PCNX2: variants seen among roughly 807,000 people sequenced by gnomAD.
PCNX2 encodes the protein pecanex-like protein 2.
PCNX2 carries 168 observed loss-of-function variants against 223.8 expected under a neutral mutation model. That is an observed-to-expected ratio of 0.75 (90% confidence interval 0.66 to 0.85). PCNX2 has a LOEUF of 0.85. Among genes scored for constraint, PCNX2 ranks in the 40% least tolerant of loss-of-function variants. PCNX2 has a pLI of 0.00. For missense variants in PCNX2, 2,507 were observed against 2,675.5 expected (o/e 0.94, Z 1.39); for synonymous variants, 1,006 against 1,052.6 (o/e 0.96, Z 0.86).
At chr1:233,149,577 T>C (rs1571972116) in intron 19 of PCNX2, among the ~76,000 whole-genome samples, 1 of 152,286 alleles carries the variant, frequency 6.6e-6, no homozygotes, top group East Asian at 1.9e-4. Flanking sequence ...TTATAGACAA[T>C]TGCTTTTTTC....
intron 32 of PCNX2, among the ~76,000 whole-genome samples, chr1:232,994,052 G>A (rs934007590): frequency 3.9e-5 from 6 of 152,252 alleles, no homozygotes; most frequent in African/African-American, 1.4e-4. Flanking sequence ...CAGTGCAGAA[G>A]GGAAATGTGG....
chr1:233,206,130 G>A (rs1010249097), intron 13 of PCNX2, among the ~76,000 whole-genome samples: 2 of 152,084 alleles, frequency 1.3e-5, no homozygotes, highest in African/African-American at 4.8e-5. Context: ...CAGATCCCTG[G>A]GACCTGTAAG....
In PCNX2 at chr1:233,224,858, CA is replaced by C; in HGVS notation, c.2504+2367del. Among the ~76,000 whole-genome samples the C allele has an allele frequency of 3.9e-5, 6 of 152,032 alleles. No individual in the cohort carries two copies. The South Asian group carries it at 1.2e-3, about 32-fold the overall frequency. ...GCAAACTAACACAGGAACAGAAAAC[CA>C]AACACCACATATTCTCACTCGTAAG... On this transcript the variant is annotated intron_variant, in intron 10 of 33. Transcript: ENST00000258229.
chr1:233,229,445 G>C (rs7552160), intron 9 of PCNX2, among the ~76,000 whole-genome samples: 2,951 of 152,260 alleles, frequency 0.019, 98 homozygotes, highest in African/African-American at 0.067. Context: ...GCATGATGAT[G>C]AACTTGTGGT....
chr1:233,134,584 G>GGGAAGGCAGGCAGGGAGGGAGGCA (rs1676698097), intron 21 of PCNX2, among the ~76,000 whole-genome samples: 2 of 151,878 alleles, frequency 1.3e-5, no homozygotes, highest in Non-Finnish European at 2.9e-5. Context: ...GCAGAGAGGC[G>GGGAAGGCAGGCAGGGAGGGAGGCA]GGAAGGCAGG....
chr1:233,197,950 G>A (rs1247174240), intron 15 of PCNX2, among the ~76,000 whole-genome samples: 1 of 152,016 alleles, frequency 6.6e-6, no homozygotes, highest in South Asian at 2.1e-4. Flanking sequence ...CTGTTAAACC[G>A]TAAGTCCAGA....
upstream of PCNX2, among the ~76,000 whole-genome samples, chr1:233,296,525 T>C (rs1662135591): frequency 6.6e-6 from 1 of 152,238 alleles, no homozygotes; most frequent in Admixed American, 6.5e-5. Flanking sequence ...AGCTATTATA[T>C]ATTTTATCAT....
chr1:233,074,197 G>A (rs1305224733), intron 23 of PCNX2, among the ~76,000 whole-genome samples: 3 of 152,066 alleles, frequency 2.0e-5, no homozygotes, highest in Admixed American at 6.6e-5. Context: ...AAAACTTATC[G>A]AGGATTGTTC....
At position 232,991,159 on chromosome 1, in the gene PCNX2, G is replaced by C. The variant is rs1390964449; in HGVS notation, c.5792-4619C>G. On this transcript the variant is annotated intron_variant, in intron 32 of 33. Coordinates refer to ENST00000258229, the MANE Select transcript of PCNX2 (RefSeq NM_014801.4). The surrounding 1 kb of genome is among the most constrained non-coding windows in gnomAD (Gnocchi z 4.3). ...GGAGGGGAGGAGAAAGTGGGGCAGG[G>C]GGACAGCAGTGCTGTATGGAAGGCT... Among the ~76,000 whole-genome samples, 4 of 152,188 alleles carry C rather than the reference G, an allele frequency of 2.6e-5. No homozygotes were observed.
At chr1:233,076,420 T>G (rs1187209141) in intron 23 of PCNX2, among the ~76,000 whole-genome samples, 1 of 152,168 alleles carries the variant, frequency 6.6e-6, no homozygotes, top group African/African-American at 2.4e-5. Flanking sequence ...TCAGCTGTGA[T>G]GAGTTAAGTC....
intron 28 of PCNX2, among the ~76,000 whole-genome samples, chr1:233,007,661 C>A (rs1670331523): frequency 6.6e-6 from 1 of 152,178 alleles, no homozygotes; most frequent in Non-Finnish European, 1.5e-5. Flanking sequence ...CCTCAGCCTC[C>A]CGAGTAGCTG....
Position 233,274,163 on chromosome 1 carries a change from T to C in PCNX2, c.154-11000A>G, listed in dbSNP as rs1435598576. Among the ~76,000 whole-genome samples, 3 of 152,210 alleles carry C rather than the reference T, an allele frequency of 2.0e-5. No homozygotes were observed. The East Asian group carries it at 5.8e-4, about 29-fold the overall frequency. ...TATTTACAAGTGGGTATTAACATGC[T>C]GCAGCAAAGGTCACTAAAATCATGG... On this transcript the variant is annotated intron_variant, in intron 1 of 33. Coordinates refer to ENST00000258229, the MANE Select transcript of PCNX2 (RefSeq NM_014801.4).
intron 21 of PCNX2, chr1:233,113,095 A>T: frequency 9.3e-7 from 1 of 1,069,730 alleles, no homozygotes; most frequent in Non-Finnish European, 1.3e-6. Flanking sequence ...GGCTGTGGTC[A>T]CAACGCAGTG....
rs148764605 is a variant in PCNX2, at chr1:233,176,841, G to A, written c.3273+961C>T. Among the ~76,000 whole-genome samples the A allele has an allele frequency of 3.9e-3, 596 of 152,210 alleles. 8 individuals carry two copies. The highest frequency in any genetic ancestry group is 0.034 in the East Asian group (174 of 5,152). Reference sequence around the variant, plus strand: ...ATCCTGGTTAACACGGTGAAACCCCGTCTCTACTAAAAAAATACAAAAAAT... The same window carrying A: ...ATCCTGGTTAACACGGTGAAACCCCATCTCTACTAAAAAAATACAAAAAAT... On this transcript the variant is annotated intron_variant, in intron 17 of 33. Transcript: ENST00000258229.
In PCNX2 at chr1:233,208,515, C is replaced by A. The variant is rs769415828; in HGVS notation, c.2863+3G>T. On this transcript the variant is annotated splice_donor_region_variant and intron_variant, in intron 13 of 33. Coordinates refer to ENST00000258229, the MANE Select transcript of PCNX2 (RefSeq NM_014801.4). Reference sequence around the variant, plus strand: ...CTTCCCCACAACCCCATAATTAACTCACCTATTAAGTAGTCCCTAGCTGAT... The same window carrying A: ...CTTCCCCACAACCCCATAATTAACTAACCTATTAAGTAGTCCCTAGCTGAT... 1 of 1,609,562 alleles carries A rather than the reference C, an allele frequency of 6.2e-7. No homozygotes were observed. Among genetic ancestry groups the A allele is most frequent in the Non-Finnish European group, 8.5e-7 (1 of 1,176,894 alleles).
At chr1:233,012,205 A>T (rs1670492875) in intron 28 of PCNX2, among the ~76,000 whole-genome samples, 1 of 152,120 alleles carries the variant, frequency 6.6e-6, no homozygotes, top group South Asian at 2.1e-4. Flanking sequence ...ATTATGTGTA[A>T]AATTTGAGCT....
intron 1 of PCNX2, among the ~76,000 whole-genome samples, chr1:233,266,189 C>A (rs1660322944): frequency 6.6e-6 from 1 of 152,164 alleles, no homozygotes; most frequent in African/African-American, 2.4e-5. Context: ...TCTCCCCAAA[C>A]TCCCTGATCT....
At chr1:233,274,516 C>T (rs79347421) in intron 1 of PCNX2, among the ~76,000 whole-genome samples, 1,537 of 152,292 alleles carry the variant, frequency 0.01, 14 homozygotes, top group South Asian at 0.027. Flanking sequence ...AGTCCCTATA[C>T]ATACCAAGTT....
At chr1:233,116,968 G>A (rs1040635064) in intron 21 of PCNX2, among the ~76,000 whole-genome samples, 36 of 152,092 alleles carry the variant, frequency 2.4e-4, no homozygotes, top group Admixed American at 1.4e-3. Flanking sequence ...AGGAAACTGC[G>A]TATGTAGAAA....
Sources: gnomAD v4.1 joint callset for allele counts (sites outside exome capture counted in the v4.1 genomes callset) on GRCh38, gnomAD v4.1.1 for gene constraint, Gnocchi (gnomAD v3.1) non-coding constraint, MANE v1.5 for transcripts, NCBI Gene and HGNC (gene_info 2026-07-23, HGNC 2026-07-21) for gene names.